The following GNL3L variants were observed in gnomAD, a reference collection of about 807,000 sequenced individuals.
GNL3L encodes the protein G protein nucleolar 3 like.
A neutral mutation model predicts 42.9 loss-of-function variants in GNL3L; 4 were observed. The observed-to-expected ratio is 0.09, with a 90% CI of 0.05 to 0.21. The LOEUF (loss-of-function observed/expected upper bound fraction) is 0.21, where lower values mean the gene tolerates loss of function less well. Among genes scored for constraint, GNL3L ranks in the 10% least tolerant of loss-of-function variants. The pLI is 1.00. For synonymous variants in GNL3L, 159 were observed against 176.3 expected (o/e 0.90, Z 0.78); for missense variants, 412 against 481.7 (o/e 0.86, Z 1.36).
intron 16 of GNL3L, among the ~76,000 whole-genome samples, chrX:54,583,328 G>C (rs1005726197): frequency 9.0e-6 from 1 of 110,554 alleles, no homozygotes; most frequent in Non-Finnish European, 1.9e-5. Context: ...GAGTAGCTGG[G>C]ATTACAGGCG....
At chrX:54,549,425 C>T (rs1247730757) in intron 9 of GNL3L, among the ~76,000 whole-genome samples, 1 of 112,252 alleles carries the variant, frequency 8.9e-6, no homozygotes, top group Non-Finnish European at 1.9e-5. Context: ...CTGGATGTAG[C>T]AGCTCATTCA....
chrX:54,547,157 C>T (rs947801029), intron 8 of GNL3L, among the ~76,000 whole-genome samples: 1 of 107,740 alleles, frequency 9.3e-6, no homozygotes, highest in African/African-American at 3.4e-5. Context: ...CCACCACACC[C>T]AGCTAATTTT....
downstream of GNL3L, among the ~76,000 whole-genome samples, chrX:54,624,438 CTTT>C (rs761943977): frequency 4.9e-5 from 4 of 82,471 alleles, no homozygotes; most frequent in African/African-American, 1.0e-4. Flanking sequence ...TTTTCTTTTT[CTTT>C]TTTTTTTTTT....
intron 16 of GNL3L, among the ~76,000 whole-genome samples, chrX:54,607,061 TTTCTTTCTTTCTCTTTCTTTC>T (rs1569542609): frequency 6.6e-4 from 32 of 48,407 alleles, no homozygotes; most frequent in African/African-American, 2.7e-3. Context: ...TCTTTCTTTC[TTTCTTTCTTTCTCTTTCTTTC>T]TTCTTTCTTT....
intron 4 of GNL3L, 62 bp downstream of exon 4, chrX:54,540,304 T>G: frequency 1.4e-6 from 1 of 734,566 alleles, no homozygotes. Context: ...TCCGCAGAAG[T>G]GTTGAATGGA....
At chrX:54,580,713 C>T (rs767977636) in intron 16 of GNL3L, among the ~76,000 whole-genome samples, 6 of 112,137 alleles carry the variant, frequency 5.4e-5, no homozygotes, top group African/African-American at 1.9e-4. Flanking sequence ...GAGATGGTAT[C>T]TCATTGTGGT....
At chrX:54,549,839 T>C (rs764264236) in intron 9 of GNL3L, among the ~76,000 whole-genome samples, 20 of 111,532 alleles carry the variant, frequency 1.8e-4, no homozygotes, top group Non-Finnish European at 3.4e-4. Context: ...TGTGTACCTG[T>C]ACAGAGAGAA....
chrX:54,644,936 T>C, the GNL3L span, among the ~76,000 whole-genome samples: 1 of 111,910 alleles, frequency 8.9e-6, no homozygotes. Context: ...TTTTTTATGT[T>C]AGTAGAATTT....
intron 16 of GNL3L, among the ~76,000 whole-genome samples, chrX:54,575,859 G>A (rs781498009): frequency 6.2e-5 from 7 of 112,317 alleles, no homozygotes; most frequent in Non-Finnish European, 1.1e-4. Flanking sequence ...GCGGTGAGCC[G>A]AGATCGCACC....
chrX:54,542,271 G>A (rs1266528573), intron 5 of GNL3L, among the ~76,000 whole-genome samples: 6 of 78,541 alleles, frequency 7.6e-5, no homozygotes, highest in Non-Finnish European at 1.1e-4. Context: ...AACAGTCCCC[G>A]GTGTGTGATG....
At chrX:54,628,958 A>ATT in the GNL3L span, among the ~76,000 whole-genome samples, 28 of 92,457 alleles carry the variant, frequency 3.0e-4, no homozygotes, top group African/African-American at 1.2e-3. Context: ...ATTATAATTA[A>ATT]ATATAAAATA....
chrX:54,623,669 CTT>C (rs1237840253), downstream of GNL3L, among the ~76,000 whole-genome samples: 1 of 111,784 alleles, frequency 8.9e-6, no homozygotes, highest in Non-Finnish European at 1.9e-5. Flanking sequence ...TGGGACTTGT[CTT>C]TTCATTTTTT....
Position 54,551,034 on chromosome X carries a change from G to A in GNL3L, c.847G>A (p.Val283Ile). Reference sequence around the variant, plus strand: ...CAGCCGCGCATGCAGCGTGGGAGCTGTTCCTGGAATTACCAAGTAAGCACC... The same window carrying A: ...CAGCCGCGCATGCAGCGTGGGAGCTATTCCTGGAATTACCAAGTAAGCACC... The part of the protein sequence containing the change: ...KRSRACSVGA[V>I]PGITKFMQEV... The change falls in exon 10 of 16, where the codon GTT becomes ATT. Residue 283 changes from valine (V) to isoleucine (I), a missense_variant. Val to Ile is a conservative substitution (Grantham distance 29). Transcript: ENST00000360845. The A allele has an allele frequency of 9.0e-7, 1 of 1,110,609 alleles. No homozygotes were observed. The highest frequency in any genetic ancestry group is 1.2e-6 in the Non-Finnish European group (1 of 803,409). The allele number at this position is 1,110,609 out of a possible 1,213,427, so 91.5% of individuals were successfully genotyped here. A position where few individuals can be genotyped will look rare whatever the true frequency, so the allele number is the denominator to read the frequency against.
At chrX:54,607,050 TTCTTTCTTTCTTTC>T (rs1191868748) in intron 16 of GNL3L, among the ~76,000 whole-genome samples, 7 of 69,675 alleles carry the variant, frequency 1.0e-4, no homozygotes, top group Admixed American at 4.4e-4. Context: ...CTTTCTTTCT[TTCTTTCTTTCTTTC>T]TTTCTTTCTC....
intron 16 of GNL3L, among the ~76,000 whole-genome samples, chrX:54,607,048 C>CTT (rs1394823834): frequency 1.6e-5 from 1 of 61,464 alleles, no homozygotes; most frequent in African/African-American, 9.9e-5. Context: ...TTCTTTCTTT[C>CTT]TTTCTTTCTT....
intron 16 of GNL3L, among the ~76,000 whole-genome samples, chrX:54,607,063 T>TCTC (rs1491267666): frequency 2.1e-5 from 1 of 47,757 alleles, no homozygotes; most frequent in African/African-American, 1.2e-4. Context: ...TTTCTTTCTT[T>TCTC]CTTTCTTTCT....
rs1187666518 is a variant in GNL3L at position 54,566,852 on chromosome X, T to C, written c.*6250T>C. Among the ~76,000 whole-genome samples, 1 of 111,816 alleles carries C rather than the reference T, an allele frequency of 8.9e-6. No individual in the cohort carries two copies. ...GCAGTGGTGTGCTCATAGGTCACTG[T>C]AGCTTCGACCTCCTGGGCTCAAGCG... is the stretch of plus-strand genomic sequence containing the variant. On this transcript the variant is annotated 3_prime_UTR_variant, in exon 16 of 16. Transcript: ENST00000360845.
chrX:54,600,903 A>G (rs1925998857), intron 16 of GNL3L, among the ~76,000 whole-genome samples: 1 of 112,315 alleles, frequency 8.9e-6, no homozygotes, highest in African/African-American at 3.2e-5. Flanking sequence ...TTGTACACCA[A>G]TGTTTGTAGC....
chrX:54,553,650 G>A, intron 13 of GNL3L, among the ~76,000 whole-genome samples: 1 of 111,198 alleles, frequency 9.0e-6, no homozygotes. Context: ...AGTGATTCTT[G>A]TGCCTCAGCT....
Sources: allele counts gnomAD v4.1 joint callset (sites outside exome capture counted in the v4.1 genomes callset), GRCh38; gene constraint gnomAD v4.1.1; transcripts MANE v1.5; gene names NCBI Gene and HGNC (gene_info 2026-07-23, HGNC 2026-07-21).